PRKAG2: variants seen among roughly 807,000 people sequenced by gnomAD.
PRKAG2 encodes the protein protein kinase AMP-activated non-catalytic subunit gamma 2.
Under a neutral mutation model 69.6 loss-of-function variants are expected in PRKAG2, and 26 were observed. The ratio of observed to expected loss-of-function variants is 0.37; its 90% CI spans 0.27 to 0.52. The LOEUF (loss-of-function observed/expected upper bound fraction) is 0.52. Ranked by LOEUF, PRKAG2 falls within the 20% of genes least tolerant of loss-of-function variation. The pLI, the probability that PRKAG2 is intolerant of heterozygous loss-of-function variation, is 0.90. For synonymous variants in PRKAG2, 293 were observed against 285.0 expected, an observed-to-expected ratio of 1.03 and a Z score of -0.28; for missense variants, 557 against 740.0, an observed-to-expected ratio of 0.75 and a Z score of 2.87.
intron 1 of PRKAG2, among the ~76,000 whole-genome samples, chr7:151,805,568 A>G (rs2078059791): frequency 6.6e-6 from 1 of 152,162 alleles, no homozygotes; most frequent in Non-Finnish European, 1.5e-5. Context: ...CTGTTTTTTA[A>G]TCTAAAAACT....
intron 4 of PRKAG2, among the ~76,000 whole-genome samples, chr7:151,644,233 C>T (rs550230347): frequency 6.6e-6 from 1 of 151,922 alleles, no homozygotes; most frequent in East Asian, 1.9e-4. Flanking sequence ...ATGCCAATAA[C>T]TTATGGAAAA....
At chr7:151,744,715 C>T (rs2074156796) in intron 3 of PRKAG2, among the ~76,000 whole-genome samples, 1 of 152,178 alleles carries the variant, frequency 6.6e-6, no homozygotes, top group Non-Finnish European at 1.5e-5. Context: ...CTCCATGCGC[C>T]TCCATTCATT....
In PRKAG2 at chr7:151,756,055, C is replaced by T. The variant is rs1395574843; in HGVS notation, c.466+25097G>A. On this transcript the variant is annotated intron_variant, in intron 3 of 15. Transcript: ENST00000287878. The surrounding 1 kb of genome is among the most constrained non-coding windows in gnomAD (Gnocchi z 4.9). ...TGCCCTCTCCCGCCTCCTCTCCCAT[C>T]CCCCATTGGTCTCCTCCTCTTCTCA... 1.3e-5 allele frequency among the ~76,000 whole-genome samples: 2 copies of T among 152,174 alleles called. No individual in the cohort carries two copies. Among genetic ancestry groups the T allele is most frequent in the Non-Finnish European group, 2.9e-5 (2 of 68,022 alleles).
chr7:151,618,093 G>C (rs1037709588), intron 5 of PRKAG2, among the ~76,000 whole-genome samples: 1 of 152,110 alleles, frequency 6.6e-6, no homozygotes, highest in African/African-American at 2.4e-5. Context: ...AGGCAAAGAT[G>C]GGAGAATCGC....
intron 3 of PRKAG2, among the ~76,000 whole-genome samples, chr7:151,721,662 G>A (rs1412434072): frequency 6.6e-6 from 1 of 152,200 alleles, no homozygotes; most frequent in African/African-American, 2.4e-5. Flanking sequence ...GGAGCAGCAG[G>A]GTAGGCCCCT....
At chr7:151,692,909 A>T (rs1835913348) in intron 3 of PRKAG2, among the ~76,000 whole-genome samples, 1 of 152,144 alleles carries the variant, frequency 6.6e-6, no homozygotes, top group Non-Finnish European at 1.5e-5. Flanking sequence ...GAGGTCTCAG[A>T]GGCTCAGGCA....
At chr7:151,573,267 C>T (rs959185852) in intron 8 of PRKAG2, among the ~76,000 whole-genome samples, 10 of 150,526 alleles carry the variant, frequency 6.6e-5, no homozygotes, top group Admixed American at 2.7e-4. Flanking sequence ...AAGTAATCCT[C>T]TCAACTCAGC....
chr7:151,812,721 C>T (rs4593442), intron 1 of PRKAG2, among the ~76,000 whole-genome samples: 55,790 of 152,054 alleles, frequency 0.37, 10,492 homozygotes, highest in South Asian at 0.56. Context: ...CACCAGCCTC[C>T]GTTCCCCTCC....
intron 3 of PRKAG2, among the ~76,000 whole-genome samples, chr7:151,734,712 G>T (rs1282170411): frequency 6.6e-6 from 1 of 152,036 alleles, no homozygotes; most frequent in Non-Finnish European, 1.5e-5. Context: ...ACCATGCTCG[G>T]CTAACTTTTA....
At chr7:151,580,852 T>C (rs1345363607) in intron 6 of PRKAG2, among the ~76,000 whole-genome samples, 1 of 152,118 alleles carries the variant, frequency 6.6e-6, no homozygotes, top group East Asian at 1.9e-4. Flanking sequence ...GATAAAAAAA[T>C]GTAGTTAGAT....
At chr7:151,645,306 T>C (rs1317173968) in intron 4 of PRKAG2, among the ~76,000 whole-genome samples, 1 of 152,206 alleles carries the variant, frequency 6.6e-6, no homozygotes, top group East Asian at 1.9e-4. Flanking sequence ...CCCATGTCAA[T>C]GAACTAAGGC....
chr7:151,841,762 G>T (rs914560179), intron 1 of PRKAG2, among the ~76,000 whole-genome samples: 1 of 149,038 alleles, frequency 6.7e-6, no homozygotes, highest in Non-Finnish European at 1.5e-5. Flanking sequence ...AGTAATGGTA[G>T]TGATGGTAGG....
chr7:151,589,019 G>A (rs2151101483), intron 6 of PRKAG2, among the ~76,000 whole-genome samples: 1 of 152,260 alleles, frequency 6.6e-6, no homozygotes, highest in East Asian at 1.9e-4. Context: ...CTGGGACTTT[G>A]CAGACCCTGT....
chr7:151,598,205 G>C (rs78612058), intron 5 of PRKAG2, among the ~76,000 whole-genome samples: 3 of 152,128 alleles, frequency 2.0e-5, no homozygotes. Flanking sequence ...TAAGCCAGGC[G>C]TGGAAAGACA....
At chr7:151,672,103 T>C (rs1050924745) in intron 4 of PRKAG2, among the ~76,000 whole-genome samples, 1 of 151,798 alleles carries the variant, frequency 6.6e-6, no homozygotes, top group South Asian at 2.1e-4. Flanking sequence ...CGGCCACCAT[T>C]TGAACTATTT....
Position 151,653,324 on chromosome 7 carries a change from C to A in PRKAG2, c.685-21186G>T, listed in dbSNP as rs149505346. Among the ~76,000 whole-genome samples, 868 of 152,246 alleles carry A rather than the reference C, an allele frequency of 5.7e-3. 8 individuals are homozygous for A. The highest frequency in any genetic ancestry group is 9.5e-3 in the Non-Finnish European group (649 of 68,024). On this transcript the variant is annotated intron_variant, in intron 4 of 15. Coordinates refer to ENST00000287878, the MANE Select transcript of PRKAG2 (RefSeq NM_016203.4). ...ATTTTAAAGTGCAAGGGGTTTTAGA[C>A]TATTCTAGTGCTGATTAATATAGCT... is the stretch of plus-strand genomic sequence containing the variant.
intron 15 of PRKAG2, chr7:151,557,930 GA>G (rs2150961078): frequency 1.0e-6 from 1 of 983,604 alleles, no homozygotes; most frequent in Non-Finnish European, 1.2e-6. Flanking sequence ...TATTCTGAAG[GA>G]TAATTGCACC....
intron 1 of PRKAG2, among the ~76,000 whole-genome samples, chr7:151,841,302 G>A (rs746146199): frequency 2.0e-5 from 3 of 152,202 alleles, no homozygotes; most frequent in Non-Finnish European, 4.4e-5. Flanking sequence ...AGTGGTGGTA[G>A]TAACAGTAGG....
chr7:151,796,806 G>A (rs970126944), intron 1 of PRKAG2, among the ~76,000 whole-genome samples: 36 of 152,110 alleles, frequency 2.4e-4, no homozygotes, highest in African/African-American at 8.0e-4. Flanking sequence ...CCAAGACCTC[G>A]GGATAAGGGA....
Sources: gnomAD v4.1 joint callset for allele counts (sites outside exome capture counted in the v4.1 genomes callset) on GRCh38, gnomAD v4.1.1 for gene constraint, Gnocchi (gnomAD v3.1) non-coding constraint, MANE v1.5 for transcripts, NCBI Gene and HGNC (gene_info 2026-07-23, HGNC 2026-07-21) for gene names.